The following CCDC91 variants were observed in gnomAD, a reference collection of about 807,000 sequenced individuals.
CCDC91 encodes the protein coiled-coil domain containing 91, also known as coiled-coil domain-containing protein 91.
CCDC91 carries 48 observed loss-of-function variants against 63.2 expected under a neutral mutation model. The ratio of observed to expected loss-of-function variants is 0.76; its 90% CI spans 0.60 to 0.97. The LOEUF is 0.97. Ranked by LOEUF, CCDC91 falls within the 50% of genes least tolerant of loss-of-function variation. The pLI, the probability that CCDC91 is intolerant of heterozygous loss-of-function variation, is 0.00. For missense variants in CCDC91, 500 were observed against 494.6 expected (o/e 1.01, Z -0.10); for synonymous variants, 167 against 165.8 (o/e 1.01, Z -0.06).
At chr12:28,441,331 T>C (rs1210929268) in intron 8 of CCDC91, among the ~76,000 whole-genome samples, 4 of 151,974 alleles carry the variant, frequency 2.6e-5, no homozygotes, top group Non-Finnish European at 2.9e-5. Context: ...GACAGTTTTT[T>C]ATAAATTTAA....
At chr12:28,472,610 G>A (rs1950877852) in intron 11 of CCDC91, among the ~76,000 whole-genome samples, 1 of 152,088 alleles carries the variant, frequency 6.6e-6, no homozygotes, top group South Asian at 2.1e-4. Context: ...TGTTAATGCT[G>A]ATCTGTAATG....
At chr12:28,490,294 T>C (rs547460640) in intron 12 of CCDC91, among the ~76,000 whole-genome samples, 1 of 151,970 alleles carries the variant, frequency 6.6e-6, no homozygotes, top group East Asian at 1.9e-4. Context: ...TTGGGTCTCA[T>C]ATTTGAAAAT....
intron 11 of CCDC91, among the ~76,000 whole-genome samples, chr12:28,453,262 A>G (rs1443221760): frequency 6.6e-6 from 1 of 151,970 alleles, no homozygotes; most frequent in Non-Finnish European, 1.5e-5. Flanking sequence ...GCACAGTTCT[A>G]TTTTACTTGA....
chr12:28,323,022 TAA>T (rs1940665725), intron 6 of CCDC91, among the ~76,000 whole-genome samples: 1 of 151,504 alleles, frequency 6.6e-6, no homozygotes, highest in Non-Finnish European at 1.5e-5. Context: ...CTATTTATCT[TAA>T]GTGATTTATA....
intron 1 of CCDC91, among the ~76,000 whole-genome samples, chr12:28,200,054 TC>T (rs1942091215): frequency 6.6e-6 from 1 of 152,100 alleles, no homozygotes; most frequent in South Asian, 2.1e-4. Flanking sequence ...CTCCTCTTTT[TC>T]TGGTTCTCTC....
At chr12:28,237,266 ATT>A (rs1945022149) in intron 1 of CCDC91, among the ~76,000 whole-genome samples, 13 of 150,808 alleles carry the variant, frequency 8.6e-5, no homozygotes, top group Admixed American at 7.3e-4. Context: ...ACACACACAC[ATT>A]TTTTAAAAAA....
At chr12:28,350,304 G>C (rs1943096711) in intron 6 of CCDC91, among the ~76,000 whole-genome samples, 1 of 152,112 alleles carries the variant, frequency 6.6e-6, no homozygotes, top group African/African-American at 2.4e-5. Context: ...TTATTATTAA[G>C]ATCTGTGTTA....
At chr12:28,218,471 A>AAGAG (rs1555158070) in intron 1 of CCDC91, among the ~76,000 whole-genome samples, 1 of 151,122 alleles carries the variant, frequency 6.6e-6, no homozygotes, top group African/African-American at 2.4e-5. Context: ...ATTAAAAAAA[A>AAGAG]AAATCACCAA....
chr12:28,466,818 T>A (rs1369438352), intron 11 of CCDC91, among the ~76,000 whole-genome samples: 1 of 151,980 alleles, frequency 6.6e-6, no homozygotes, highest in Non-Finnish European at 1.5e-5. Context: ...AAATACAGAG[T>A]ATTGTAACAC....
intron 3 of CCDC91, among the ~76,000 whole-genome samples, chr12:28,293,590 C>T (rs938260880): frequency 9.2e-5 from 14 of 152,136 alleles, no homozygotes; most frequent in Admixed American, 7.2e-4. Flanking sequence ...TAATGATAGA[C>T]TGTTGTTGGT....
chr12:28,447,375 G>A (rs1408715293), intron 8 of CCDC91, among the ~76,000 whole-genome samples: 1 of 151,816 alleles, frequency 6.6e-6, no homozygotes, highest in African/African-American at 2.4e-5. Context: ...GTTTGCCTAA[G>A]TGTTATCAGT....
chr12:28,321,119 T>A (rs1405986671), intron 6 of CCDC91, among the ~76,000 whole-genome samples: 1 of 151,602 alleles, frequency 6.6e-6, no homozygotes, highest in Non-Finnish European at 1.5e-5. Context: ...TATTTGAGCA[T>A]TTTTTTTGCT....
At chr12:28,507,839 G>A (rs1325395265) in intron 12 of CCDC91, among the ~76,000 whole-genome samples, 1 of 151,996 alleles carries the variant, frequency 6.6e-6, no homozygotes, top group Non-Finnish European at 1.5e-5. Flanking sequence ...GCACCTATCG[G>A]GGTGGAGGAA....
intron 4 of CCDC91, 129 bp from the exon 5 acceptor site, chr12:28,306,613 T>G (rs1488851465): frequency 1.7e-6 from 1 of 589,166 alleles, no homozygotes; most frequent in Admixed American, 3.5e-5. Context: ...ACTTAAAGGG[T>G]GAAATAATTT....
chr12:28,417,211 G>T (rs1195882992), intron 8 of CCDC91, among the ~76,000 whole-genome samples: 1 of 151,724 alleles, frequency 6.6e-6, no homozygotes, highest in African/African-American at 2.4e-5. Flanking sequence ...TAATTTTTTT[G>T]CTTATCTTAT....
intron 4 of CCDC91, 24 bp downstream of exon 4, chr12:28,305,830 G>T: frequency 6.3e-7 from 1 of 1,583,248 alleles, no homozygotes; most frequent in Non-Finnish European, 8.6e-7. Flanking sequence ...TATTTTTAAA[G>T]GAGGTTTGCA....
intron 11 of CCDC91, among the ~76,000 whole-genome samples, chr12:28,481,486 C>A (rs1951443868): frequency 6.6e-6 from 1 of 151,964 alleles, no homozygotes; most frequent in Non-Finnish European, 1.5e-5. Context: ...TCATTCCTTG[C>A]AAGCTATGTT....
chr12:28,547,871 T>G (rs1943094785), intron 12 of CCDC91, among the ~76,000 whole-genome samples: 1 of 152,138 alleles, frequency 6.6e-6, no homozygotes. Flanking sequence ...AGAATTATTG[T>G]TCAGGTTTGC....
chr12:28,220,284 T>A (rs1943849443), intron 1 of CCDC91, among the ~76,000 whole-genome samples: 1 of 152,086 alleles, frequency 6.6e-6, no homozygotes, highest in Non-Finnish European at 1.5e-5. Flanking sequence ...AATTAATTAA[T>A]TAAATGCTGT....
Sources: gnomAD v4.1 joint callset for allele counts (sites outside exome capture counted in the v4.1 genomes callset) on GRCh38, gnomAD v4.1.1 for gene constraint, MANE v1.5 for transcripts, NCBI Gene and HGNC (gene_info 2026-07-23, HGNC 2026-07-21) for gene names.